Variants in LRRC15 observed in about 807,000 individuals in gnomAD.
LRRC15 encodes leucine rich repeat containing 15, also known as leucine-rich repeat-containing protein 15.
A neutral mutation model predicts 4.3 loss-of-function variants in LRRC15; 5 were observed. The ratio of observed to expected loss-of-function variants is 1.16; its 90% confidence interval spans 0.61 to 2.44. The LOEUF (loss-of-function observed/expected upper bound fraction) is 2.44, where lower values mean the gene tolerates loss of function less well. Among genes scored for constraint, LRRC15 ranks in the 30% most tolerant of loss-of-function variants. LRRC15 has a pLI of 0.01. For missense variants in LRRC15, 769 were observed against 747.0 expected (o/e 1.03, Z -0.34); for synonymous variants, 337 against 323.2 (o/e 1.04, Z -0.46).
In LRRC15 at chr3:194,360,659, A is replaced by G. The variant is rs1182900997; in HGVS notation, c.385T>C (p.Ser129Pro). The G allele has an allele frequency of 6.2e-7, 1 of 1,613,710 alleles. No homozygotes were observed. Among genetic ancestry groups the G allele is most frequent in the African/African-American group, 1.3e-5 (1 of 74,752 alleles). The change falls in exon 2 of 2, where the codon TCT becomes CCT. Residue 129 changes from serine to proline, a missense_variant. Physicochemically the swap from Ser to Pro is moderately conservative, Grantham distance 74. Transcript: ENST00000347624. ...AGCTGGTTACTGGACAGAAGGAGAGACTCGAGGCTGTCCAGGCCCTGGAAG... is the reference window on the plus strand; with the variant it reads ...AGCTGGTTACTGGACAGAAGGAGAGGCTCGAGGCTGTCCAGGCCCTGGAAG... Reference protein sequence around the residue: ...GLFQGLDSLESLLLSSNQLLQ... With the variant: ...GLFQGLDSLEPLLLSSNQLLQ...
At chr3:194,361,936 C>A (rs1183360471) in intron 1 of LRRC15, among the ~76,000 whole-genome samples, 1 of 152,196 alleles carries the variant, frequency 6.6e-6, no homozygotes, top group Non-Finnish European at 1.5e-5. Context: ...GTGCCCGAAG[C>A]CAGCCTTGTG....
At chr3:194,361,963 T>G (rs1713640823) in intron 1 of LRRC15, among the ~76,000 whole-genome samples, 1 of 152,206 alleles carries the variant, frequency 6.6e-6, no homozygotes, top group Non-Finnish European at 1.5e-5. Flanking sequence ...AGTCCCAGTT[T>G]CCACAAGAAA....
In LRRC15 at chr3:194,358,489, A is replaced by G. The variant is rs1713497077; in HGVS notation, c.*809T>C. On this transcript the variant is annotated 3_prime_UTR_variant, in exon 2 of 2. Coordinates refer to ENST00000347624, the MANE Select transcript of LRRC15 (RefSeq NM_130830.5). Reference sequence around the variant, plus strand: ...AATGTTTTTAGAAGTCCAAAATTCTACATGATTTCATTCCTTAAAGGGCTA... The same window carrying G: ...AATGTTTTTAGAAGTCCAAAATTCTGCATGATTTCATTCCTTAAAGGGCTA... 1 of 152,260 alleles carries G rather than the reference A, an allele frequency of 6.6e-6. No individual in the cohort carries two copies. The highest frequency in any genetic ancestry group is 1.5e-5 in the Non-Finnish European group (1 of 68,036). The allele number at this position is 152,260 out of a possible 1,614,324, so 9.4% of individuals were successfully genotyped here. A position where few individuals can be genotyped will look rare whatever the true frequency, so the allele number is the denominator to read the frequency against.
chr3:194,361,026 A>G lies in LRRC15; in HGVS notation c.18T>C (p.Tyr6=), dbSNP rs769429553. 1 of 1,515,250 alleles carries G rather than the reference A, an allele frequency of 6.6e-7. No individual in the cohort carries two copies. Among genetic ancestry groups the G allele is most frequent in the Non-Finnish European group, 8.8e-7 (1 of 1,138,558 alleles). 93.9% of individuals were successfully genotyped at this position (1,515,250 alleles called of 1,614,324 possible). The change falls in exon 2 of 2, where the codon TAT becomes TAC. Residue 6 remains tyrosine (Y), a synonymous_variant. Coordinates refer to ENST00000347624, the MANE Select transcript of LRRC15 (RefSeq NM_130830.5). The stretch of plus-strand genomic sequence containing the variant: ...CTTGGCAGCCCACCAGCAAAAGGAG[A>G]TAATGCTTCAGTGGCATAGCCTGTG... MPLKH[Y]LLLLVGCQAW... is the part of the protein sequence containing the mutation.
chr3:194,359,188 A>G lies in LRRC15; in HGVS notation c.*110T>C. 1 of 1,059,866 alleles carries G rather than the reference A, an allele frequency of 9.4e-7. No individual in the cohort carries two copies. The highest frequency in any genetic ancestry group is 2.4e-5 in the East Asian group (1 of 41,192). 65.7% of individuals were successfully genotyped at this position (1,059,866 alleles called of 1,614,324 possible). Reference sequence around the variant, plus strand: ...GGTAGGCTCACCTTTCTCTGGGGCCAGAAAGAGCAATCACGGGAAAGCTCC... The same window carrying G: ...GGTAGGCTCACCTTTCTCTGGGGCCGGAAAGAGCAATCACGGGAAAGCTCC... On this transcript the variant is annotated 3_prime_UTR_variant, in exon 2 of 2. Coordinates refer to ENST00000347624, the MANE Select transcript of LRRC15 (RefSeq NM_130830.5).
rs991914210 is a variant in LRRC15 at position 194,360,417 on chromosome 3, G to A, written c.627C>T (p.Leu209=). 6 of 1,614,164 alleles carry A rather than the reference G, an allele frequency of 3.7e-6. No homozygotes were observed. Among genetic ancestry groups the A allele is most frequent in the Non-Finnish European group, 5.1e-6 (6 of 1,180,030 alleles). Residue 209 remains leucine (L), a synonymous_variant, in exon 2 of 2, where the codon CTC becomes CTT. Transcript: ENST00000347624. ...CAAAAGTGCCCATGGGGATATCCGT[G>A]AGCCTGTTCTCATACAGCCGGAGGA... The part of the protein sequence containing the change: ...LQVLRLYENR[L]TDIPMGTFDG...
In LRRC15 at chr3:194,359,123, G is replaced by A. The variant is rs975035308; in HGVS notation, c.*175C>T. Reference sequence around the variant, plus strand: ...TCCTGATTGTAGGAAGGTCCGGCACGACCTGCTTCTCTACGGGAGAATCAG... The same window carrying A: ...TCCTGATTGTAGGAAGGTCCGGCACAACCTGCTTCTCTACGGGAGAATCAG... On this transcript the variant is annotated 3_prime_UTR_variant, in exon 2 of 2. Transcript: ENST00000347624. The A allele has an allele frequency of 1.2e-5, 7 of 586,244 alleles. No individual in the cohort carries two copies. The highest frequency in any genetic ancestry group is 7.4e-5 in the African/African-American group (4 of 53,906). The allele number at this position is 586,244 out of a possible 1,614,324, so 36.3% of individuals were successfully genotyped here.
At position 194,360,227 on chromosome 3, in the gene LRRC15, G is replaced by A. The variant is rs762712189; in HGVS notation, c.817C>T (p.Arg273Cys). ...AGGGAATTCCCAAAGAGAGTAAGAC[G>A]GTTGAGCTGGGGCAGCTGCATGAAG... ...SVFMQLPQLN[R>C]LTLFGNSLKE... Residue 273 changes from arginine to cysteine, a missense_variant, in exon 2 of 2, where the codon CGT becomes TGT. Coordinates refer to ENST00000347624, the MANE Select transcript of LRRC15 (RefSeq NM_130830.5). 46 of 1,613,720 alleles carry A rather than the reference G, an allele frequency of 2.9e-5. No homozygotes were observed. The highest frequency in any genetic ancestry group is 3.7e-5 in the Non-Finnish European group (44 of 1,179,768).
At chr3:194,363,424 T>A (rs11925692) in intron 1 of LRRC15, 100,292 of 685,636 alleles carry the variant, frequency 0.15, 10,363 homozygotes, top group African/African-American at 0.43. Flanking sequence ...TGAAAAAAAG[T>A]AAAAACTTAT....
chr3:194,367,199 T>A (rs1251035905), intron 1 of LRRC15, among the ~76,000 whole-genome samples: 1 of 152,192 alleles, frequency 6.6e-6, no homozygotes, highest in African/African-American at 2.4e-5. Flanking sequence ...GACAGAGGGT[T>A]CACCAGAAGG....
chr3:194,366,193 A>G (rs1713768917), intron 1 of LRRC15, among the ~76,000 whole-genome samples: 1 of 152,140 alleles, frequency 6.6e-6, no homozygotes, highest in African/African-American at 2.4e-5. Flanking sequence ...AGACCTCCCC[A>G]TCTCACCAAA....
At chr3:194,363,945 C>T (rs538136865) in intron 1 of LRRC15, among the ~76,000 whole-genome samples, 1 of 152,166 alleles carries the variant, frequency 6.6e-6, no homozygotes, top group South Asian at 2.1e-4. Context: ...AGGGCTGCCA[C>T]GGGATACAGA....
chr3:194,364,609 G>A (rs1003327994), intron 1 of LRRC15, among the ~76,000 whole-genome samples: 21 of 152,138 alleles, frequency 1.4e-4, no homozygotes, highest in African/African-American at 4.8e-4. Context: ...GGGGCATCAA[G>A]CCAGCCCAGG....
At chr3:194,366,963 C>T (rs191493105) in intron 1 of LRRC15, among the ~76,000 whole-genome samples, 4 of 151,966 alleles carry the variant, frequency 2.6e-5, no homozygotes, top group African/African-American at 4.8e-5. Flanking sequence ...GTCAACCACA[C>T]GCCTGGCAGG....
chr3:194,356,158 A>T lies in LRRC15; in HGVS notation c.*3140T>A, dbSNP rs1713419700. ...AGCAAGTGCCTCTGTACCCCATCAC[A>T]AGTGGGTAGAGGCGGCACTCCTACC... is the stretch of plus-strand genomic sequence containing the variant. On this transcript the variant is annotated 3_prime_UTR_variant, in exon 2 of 2. Transcript: ENST00000347624. 1 of 152,236 alleles carries T rather than the reference A, an allele frequency of 6.6e-6. No homozygotes were observed. Among genetic ancestry groups the T allele is most frequent in the African/African-American group, 2.4e-5 (1 of 41,440 alleles). 9.4% of individuals were successfully genotyped at this position (152,236 alleles called of 1,614,324 possible). A position where few individuals can be genotyped will look rare whatever the true frequency, so the allele number is the denominator to read the frequency against.
chr3:194,368,795 G>A (rs1713854996), intron 1 of LRRC15, among the ~76,000 whole-genome samples: 1 of 152,190 alleles, frequency 6.6e-6, no homozygotes, highest in African/African-American at 2.4e-5. Context: ...AGTCCTGAAA[G>A]CTCTGGTTTT....
At position 194,360,098 on chromosome 3, in the gene LRRC15, G is replaced by T. The variant is rs1312183865; in HGVS notation, c.946C>A (p.Leu316Ile). Residue 316 changes from leucine to isoleucine, a missense_variant, in exon 2 of 2, where the codon CTC becomes ATC. By Grantham distance (5) the Leu-to-Ile change is conservative. Transcript: ENST00000347624. ...SSLPDNVFSN[L>I]RQLQVLILSR... Reference sequence around the variant, plus strand: ...AGAATCAGGACCTGCAACTGGCGGAGGTTGCTGAAGACATTGTCGGGTAGA... The same window carrying T: ...AGAATCAGGACCTGCAACTGGCGGATGTTGCTGAAGACATTGTCGGGTAGA... 6.2e-7 allele frequency: 1 copy of T among 1,614,132 alleles called. No homozygotes were observed. Among genetic ancestry groups the T allele is most frequent in the Non-Finnish European group, 8.5e-7 (1 of 1,180,056 alleles).
At position 194,360,756 on chromosome 3, in the gene LRRC15, G is replaced by A. The variant is rs1437151542; in HGVS notation, c.288C>T (p.Ala96=). The A allele has an allele frequency of 1.2e-6, 2 of 1,614,256 alleles. No individual in the cohort carries two copies. Among genetic ancestry groups the A allele is most frequent in the Admixed American group, 1.7e-5 (1 of 60,034 alleles). ...AGCGCAGCGAGCCCAGGTTTCGGAAGGCCCCAGGCGTGATGCGCGACAGCT... is the reference window on the plus strand; with the variant it reads ...AGCGCAGCGAGCCCAGGTTTCGGAAAGCCCCAGGCGTGATGCGCGACAGCT... ...KNELSRITPG[A]FRNLGSLRYL... Residue 96 remains alanine (A), a synonymous_variant, in exon 2 of 2, where the codon GCC becomes GCT. Coordinates refer to ENST00000347624, the MANE Select transcript of LRRC15 (RefSeq NM_130830.5).
At chr3:194,362,934 ATTTTG>A (rs200263129) in intron 1 of LRRC15, among the ~76,000 whole-genome samples, 16,916 of 113,888 alleles carry the variant, frequency 0.15, 1,487 homozygotes, top group Non-Finnish European at 0.22. Context: ...ACAGACCTTG[ATTTTG>A]TTTTTTTTTT....
Sources: gnomAD v4.1 joint callset for allele counts (sites outside exome capture counted in the v4.1 genomes callset) on GRCh38, gnomAD v4.1.1 for gene constraint, MANE v1.5 for transcripts, NCBI Gene and HGNC (gene_info 2026-07-23, HGNC 2026-07-21) for gene names.